Variants in SPOP observed in about 807,000 individuals in gnomAD.
SPOP encodes the protein speckle type BTB/POZ protein.
In SPOP, 11 loss-of-function variants were observed where a neutral mutation model predicts 45.6. The ratio of observed to expected loss-of-function variants is 0.24; its 90% CI spans 0.15 to 0.40. The LOEUF is 0.40. Among genes scored for constraint, SPOP ranks in the 10% least tolerant of loss-of-function variants. The pLI is 1.00. For synonymous variants in SPOP, 166 were observed against 166.3 expected (o/e 1.00, Z 0.01); for missense variants, 152 against 465.6 (o/e 0.33, Z 6.20).
chr17:49,647,313 TAAAAAA>T (rs1156781114), intron 1 of SPOP, among the ~76,000 whole-genome samples: 3 of 43,118 alleles, frequency 7.0e-5, no homozygotes, highest in East Asian at 8.7e-4. Context: ...GATGCCGTCT[TAAAAAA>T]AAAAAAAAAA....
Position 49,657,142 on chromosome 17 carries a change from G to A in SPOP, c.-67+20791C>T, listed in dbSNP as rs897793746. 2.7e-5 allele frequency among the ~76,000 whole-genome samples: 4 copies of A among 149,834 alleles called. No homozygotes were observed. The South Asian group carries it at 6.3e-4, about 24-fold the overall frequency. On this transcript the variant is annotated intron_variant, in intron 1 of 9. Transcript: ENST00000504102. The stretch of plus-strand genomic sequence containing the variant: ...GGAGCTTGCAGTGAGCCGAGATTGC[G>A]CCGAGATTGCGCCACTGCACTCCAG...
chr17:49,676,465 G>A (rs1567810101), intron 1 of SPOP, among the ~76,000 whole-genome samples: 1 of 152,126 alleles, frequency 6.6e-6, no homozygotes, highest in Non-Finnish European at 1.5e-5. Flanking sequence ...ATACTTTAAG[G>A]CCCAAGAACA....
intron 1 of SPOP, among the ~76,000 whole-genome samples, chr17:49,632,760 A>G (rs1463329648): frequency 2.0e-5 from 3 of 152,130 alleles, no homozygotes; most frequent in Non-Finnish European, 4.4e-5. Context: ...GTGAGCCACT[A>G]CGCCTTGCCT....
Position 49,677,926 on chromosome 17 carries a change from C to A in SPOP, c.-67+7G>T, listed in dbSNP as rs934118249. 1.0e-4 allele frequency: 40 copies of A among 397,134 alleles called. 1 individual carries two copies. Among genetic ancestry groups the A allele is most frequent in the Middle Eastern group, 6.2e-4 (1 of 1,612 alleles). The allele number at this position is 397,134 out of a possible 1,614,324, so 24.6% of individuals were successfully genotyped here. On this transcript the variant is annotated splice_region_variant and intron_variant, in intron 1 of 9. Coordinates refer to ENST00000504102, the MANE Select transcript of SPOP (RefSeq NM_001007228.2). ...CCCCCTCCCTCGACTCTCCTCCCCC[C>A]ACTCACCTGAGAGCGGCGGCGACAG...
At chr17:49,637,108 G>A (rs1046632534) in intron 1 of SPOP, among the ~76,000 whole-genome samples, 1 of 152,002 alleles carries the variant, frequency 6.6e-6, no homozygotes, top group Non-Finnish European at 1.5e-5. Flanking sequence ...AGTTACTTAG[G>A]AGGCTGAGGC....
chr17:49,645,005 C>T (rs1040944072), intron 1 of SPOP, among the ~76,000 whole-genome samples: 11 of 151,650 alleles, frequency 7.3e-5, no homozygotes, highest in African/African-American at 2.7e-4. Context: ...CTTTTCAAAT[C>T]GATGAATTCA....
chr17:49,637,735 G>A (rs1182627954), intron 1 of SPOP, among the ~76,000 whole-genome samples: 2 of 152,242 alleles, frequency 1.3e-5, no homozygotes, highest in African/African-American at 4.8e-5. Flanking sequence ...CAAGAAAAGA[G>A]AGATCACTGT....
chr17:49,607,943 G>C lies in SPOP; in HGVS notation c.659-14C>G, dbSNP rs1273916918. ...CCGGAGAACGAGCTACAAAGTCAAA[G>C]AGAAACAAGCAGATAAGGCTATCAC... On this transcript the variant is annotated splice_polypyrimidine_tract_variant and intron_variant, in intron 6 of 9. Transcript: ENST00000504102. 2 of 1,611,518 alleles carry C rather than the reference G, an allele frequency of 1.2e-6. No homozygotes were observed. Among genetic ancestry groups the C allele is most frequent in the Admixed American group, 1.7e-5 (1 of 59,834 alleles).
chr17:49,661,309 T>C (rs2072984803), intron 1 of SPOP, among the ~76,000 whole-genome samples: 1 of 152,202 alleles, frequency 6.6e-6, no homozygotes, highest in African/African-American at 2.4e-5. Flanking sequence ...TCCAGTCTTA[T>C]CATCCATTAT....
At chr17:49,606,319 AAATTTTTT>A (rs1471651832) in intron 8 of SPOP, among the ~76,000 whole-genome samples, 6 of 151,122 alleles carry the variant, frequency 4.0e-5, no homozygotes, top group African/African-American at 1.5e-4. Flanking sequence ...ACACTTGGCT[AAATTTTTT>A]TATTTTTATT....
At chr17:49,630,691 A>T (rs540584208) in intron 1 of SPOP, among the ~76,000 whole-genome samples, 1 of 152,170 alleles carries the variant, frequency 6.6e-6, no homozygotes, top group African/African-American at 2.4e-5. Context: ...GCCCCAGGCA[A>T]TCCTCCTGCC....
chr17:49,622,781 C>T lies in SPOP; in HGVS notation c.30G>A (p.Pro10=), dbSNP rs189212134. The T allele has an allele frequency of 2.2e-5, 36 of 1,614,082 alleles. No individual in the cohort carries two copies. Among genetic ancestry groups the T allele is most frequent in the African/African-American group, 6.7e-5 (5 of 74,996 alleles). Residue 10 remains proline (P), a synonymous_variant, in exon 2 of 10, where the codon CCG becomes CCA. Coordinates refer to ENST00000504102, the MANE Select transcript of SPOP (RefSeq NM_001007228.2). MSRVPSPPP[P]AEMSSGPVAE... Reference sequence around the variant, plus strand: ...CTACGGGGCCACTCGACATTTCTGCCGGAGGTGGAGGACTTGGAACCCTTG... The same window carrying T: ...CTACGGGGCCACTCGACATTTCTGCTGGAGGTGGAGGACTTGGAACCCTTG...
chr17:49,599,987 T>A lies in SPOP; in HGVS notation c.*391A>T, dbSNP rs1029941160. On this transcript the variant is annotated 3_prime_UTR_variant, in exon 10 of 10. Transcript: ENST00000504102. ...TTTCTTCTTTCCTTTTCCCTTCTGT[T>A]AAAACTCAATGTCCTTTCTTTTTTT... The A allele has an allele frequency of 3.4e-5, 8 of 237,608 alleles. No individual in the cohort carries two copies. Among genetic ancestry groups the A allele is most frequent in the Non-Finnish European group, 6.6e-5 (8 of 121,228 alleles). The allele number at this position is 237,608 out of a possible 1,614,324, so 14.7% of individuals were successfully genotyped here.
chr17:49,612,387 A>G (rs1374072291), intron 5 of SPOP, among the ~76,000 whole-genome samples: 1 of 152,162 alleles, frequency 6.6e-6, no homozygotes, highest in Non-Finnish European at 1.5e-5. Context: ...AGTATCCCAC[A>G]CTTTTATACC....
intron 1 of SPOP, among the ~76,000 whole-genome samples, chr17:49,648,507 G>A (rs1189100272): frequency 6.6e-6 from 1 of 152,096 alleles, no homozygotes; most frequent in Non-Finnish European, 1.5e-5. Flanking sequence ...TGTTACTTAG[G>A]TCTTCTCTGA....
At chr17:49,622,641 C>A in intron 2 of SPOP, 92 bp downstream of exon 2, 1 of 1,096,168 alleles carries the variant, frequency 9.1e-7, no homozygotes. Context: ...CCAGAGAAAG[C>A]AAGAAGCCCA....
intron 1 of SPOP, among the ~76,000 whole-genome samples, chr17:49,669,645 G>GT (rs1209871271): frequency 1.3e-5 from 2 of 149,404 alleles, no homozygotes; most frequent in African/African-American, 4.9e-5. Flanking sequence ...TGCGCCTGTA[G>GT]TCCCAGCTAC....
At chr17:49,650,196 T>C (rs1430089092) in intron 1 of SPOP, among the ~76,000 whole-genome samples, 5 of 152,108 alleles carry the variant, frequency 3.3e-5, no homozygotes, top group Non-Finnish European at 7.4e-5. Flanking sequence ...CAGCCCATAG[T>C]TTACTTTCTA....
In SPOP at chr17:49,618,961, A is replaced by G. The variant is rs930051780; in HGVS notation, c.480+20T>C. 6.2e-7 allele frequency: 1 copy of G among 1,607,150 alleles called. No individual in the cohort carries two copies. The highest frequency in any genetic ancestry group is 1.3e-5 in the African/African-American group (1 of 74,544). On this transcript the variant is annotated intron_variant, in intron 5 of 9. Transcript: ENST00000504102. Reference sequence around the variant, plus strand: ...ATCAGATCTGGGAACTGCTAGTCTCAGCAGAATACAAGGACTCACCTCGCA... The same window carrying G: ...ATCAGATCTGGGAACTGCTAGTCTCGGCAGAATACAAGGACTCACCTCGCA...
Sources: gnomAD v4.1 joint callset for allele counts (sites outside exome capture counted in the v4.1 genomes callset) on GRCh38, gnomAD v4.1.1 for gene constraint, MANE v1.5 for transcripts, NCBI Gene and HGNC (gene_info 2026-07-23, HGNC 2026-07-21) for gene names.